Variants in CLPB observed in about 807,000 individuals in gnomAD.
The protein encoded by CLPB is mitochondrial disaggregase.
In CLPB, 40 loss-of-function variants were observed where a neutral mutation model predicts 78.4. That is an observed-to-expected ratio of 0.51 (90% CI 0.40 to 0.66). CLPB has a LOEUF of 0.66. Ranked by LOEUF, CLPB falls within the 30% of genes least tolerant of loss-of-function variation. The pLI, the probability that CLPB is intolerant of heterozygous loss-of-function variation, is 0.00. For missense variants in CLPB, 780 were observed against 886.9 expected (o/e 0.88, Z 1.53); for synonymous variants, 333 against 348.0 (o/e 0.96, Z 0.48).
chr11:72,413,367 G>A lies in CLPB; in HGVS notation c.456-10315C>T, dbSNP rs1157264348. On this transcript the variant is annotated intron_variant, in intron 2 of 15. Coordinates refer to ENST00000538039, the MANE Select transcript of CLPB (RefSeq NM_001258392.3). ...ATCCTGTTTACATTTTGTTTCATTT[G>A]CTTTTCTATTCCTTTTCTATTTTTT... 2.0e-5 allele frequency among the ~76,000 whole-genome samples: 3 copies of A among 151,018 alleles called. No homozygotes were observed. The East Asian group carries it at 5.8e-4, about 29-fold the overall frequency.
intron 3 of CLPB, among the ~76,000 whole-genome samples, chr11:72,400,223 G>A (rs1032581837): frequency 6.6e-6 from 1 of 150,658 alleles, no homozygotes; most frequent in South Asian, 2.1e-4. Context: ...AACAGTAGGG[G>A]CCAAAAAAAA....
intron 3 of CLPB, among the ~76,000 whole-genome samples, chr11:72,387,238 T>G (rs1855105743): frequency 6.6e-6 from 1 of 152,120 alleles, no homozygotes; most frequent in South Asian, 2.1e-4. Context: ...AACTAATAAT[T>G]GTAGAAGGAA....
intron 3 of CLPB, among the ~76,000 whole-genome samples, chr11:72,385,110 T>G (rs1339857183): frequency 6.6e-6 from 1 of 152,246 alleles, no homozygotes; most frequent in Non-Finnish European, 1.5e-5. Flanking sequence ...CTCAAGCACA[T>G]GGGAACATTA....
At chr11:72,386,316 C>A (rs1033116127) in intron 3 of CLPB, among the ~76,000 whole-genome samples, 2 of 152,152 alleles carry the variant, frequency 1.3e-5, no homozygotes, top group African/African-American at 4.8e-5. Flanking sequence ...GCCCATCTTT[C>A]TCTTAGGGTG....
intron 3 of CLPB, among the ~76,000 whole-genome samples, chr11:72,398,520 G>A (rs1174750165): frequency 3.3e-5 from 5 of 151,656 alleles, no homozygotes; most frequent in South Asian, 2.1e-4. Context: ...GCCTTCCACC[G>A]TCTGTCCGTG....
chr11:72,428,310 C>G lies in CLPB; in HGVS notation c.455+2002G>C, dbSNP rs182451196. On this transcript the variant is annotated intron_variant, in intron 2 of 15. Transcript: ENST00000538039. ...CAGCCTTTTCCCAATGCAGTCCATCCTTCACTCCTCTGCAAGTCAGCCTTA... is the reference window on the plus strand; with the variant it reads ...CAGCCTTTTCCCAATGCAGTCCATCGTTCACTCCTCTGCAAGTCAGCCTTA... Among the ~76,000 whole-genome samples, 54 of 152,262 alleles carry G rather than the reference C, an allele frequency of 3.5e-4. No homozygotes were observed. In the East Asian group the frequency reaches 9.8e-3, roughly 28 times the overall value.
intron 7 of CLPB, among the ~76,000 whole-genome samples, chr11:72,316,807 T>G (rs758905782): frequency 6.6e-6 from 1 of 152,152 alleles, no homozygotes; most frequent in Non-Finnish European, 1.5e-5. Context: ...GCGGACCAGA[T>G]GACGGTCAGA....
At chr11:72,358,852 C>T in intron 5 of CLPB, 28 bp downstream of exon 5, 1 of 1,289,584 alleles carries the variant, frequency 7.8e-7, no homozygotes, top group Non-Finnish European at 1.0e-6. Flanking sequence ...CTTCCCCCAC[C>T]CCACCCCTCC....
chr11:72,290,985 C>T lies in CLPB; in HGVS notation c.*2382G>A, dbSNP rs1949444534. The T allele has an allele frequency of 6.6e-6, 1 of 151,906 alleles. No homozygotes were observed. The highest frequency in any genetic ancestry group is 1.5e-5 in the Non-Finnish European group (1 of 67,988). The allele number at this position is 151,906 out of a possible 1,614,324, so 9.4% of individuals were successfully genotyped here. A position where few individuals can be genotyped will look rare whatever the true frequency, so the allele number is the denominator to read the frequency against. ...ACCAAAACAAAAAGTTACCACCACC[C>T]TCCGCTAGGAGGCACTAAGAATAGC... On this transcript the variant is annotated 3_prime_UTR_variant, in exon 16 of 16. Coordinates refer to ENST00000538039, the MANE Select transcript of CLPB (RefSeq NM_001258392.3).
chr11:72,290,534 G>C lies in CLPB; in HGVS notation c.*2833C>G, dbSNP rs896293024. 2 of 152,116 alleles carry C rather than the reference G, an allele frequency of 1.3e-5. No homozygotes were observed. Among genetic ancestry groups the C allele is most frequent in the Non-Finnish European group, 2.9e-5 (2 of 68,024 alleles). 9.4% of individuals were successfully genotyped at this position (152,116 alleles called of 1,614,324 possible). A position where few individuals can be genotyped will look rare whatever the true frequency, so the allele number is the denominator to read the frequency against. Reference sequence around the variant, plus strand: ...TGAAAATCAGTAGGCAAAATTTTAAGAATAAGACATTCACATAGCTTCAAA... The same window carrying C: ...TGAAAATCAGTAGGCAAAATTTTAACAATAAGACATTCACATAGCTTCAAA... On this transcript the variant is annotated 3_prime_UTR_variant, in exon 16 of 16. Transcript: ENST00000538039.
rs1382609161 is a variant in CLPB at position 72,315,468 on chromosome 11, A to G, written c.988+1638T>C. On this transcript the variant is annotated intron_variant, in intron 7 of 15. Coordinates refer to ENST00000538039, the MANE Select transcript of CLPB (RefSeq NM_001258392.3). The stretch of plus-strand genomic sequence containing the variant: ...GTCCTGGTTTGGCTCCAGTGGCCCT[A>G]GACCAGAGAGGCCATGGGGGCCTGA... Among the ~76,000 whole-genome samples, 6 of 152,338 alleles carry G rather than the reference A, an allele frequency of 3.9e-5. No individual in the cohort carries two copies. In the East Asian group the frequency reaches 9.6e-4, roughly 24 times the overall value.
rs147763259 is a variant in CLPB, at chr11:72,369,607, A to G, written c.647-10599T>C. ...GCCTCTCCTCTGCCTTTTCTTCAAG[A>G]TGTTAAAAACTCGCAATAAAAAACA... On this transcript the variant is annotated intron_variant, in intron 4 of 15. Coordinates refer to ENST00000538039, the MANE Select transcript of CLPB (RefSeq NM_001258392.3). Among the ~76,000 whole-genome samples, 33 of 152,312 alleles carry G rather than the reference A, an allele frequency of 2.2e-4. No homozygotes were observed. In the East Asian group the frequency reaches 5.6e-3, roughly 26 times the overall value.
rs1450603396 is a variant in CLPB at position 72,334,665 on chromosome 11, G to A, written c.776-4861C>T. ...CCGTGCCCTGGCCTGACCTCCCCTT[G>A]CCTCCCACCCAGGGCCCCTTCGGGC... On this transcript the variant is annotated intron_variant, in intron 5 of 15. Transcript: ENST00000538039. 2.0e-5 allele frequency among the ~76,000 whole-genome samples: 3 copies of A among 152,216 alleles called. No homozygotes were observed. In the East Asian group the frequency reaches 5.8e-4, roughly 29 times the overall value.
rs539466471 is a variant in CLPB at position 72,388,343 on chromosome 11, C to T, written c.543-7959G>A. ...TCGGCTCACTGCCAGCTCCGCCTCC[C>T]GGGTTCACACCATTCTCCTGCCTCA... is the stretch of plus-strand genomic sequence containing the variant. On this transcript the variant is annotated intron_variant, in intron 3 of 15. Coordinates refer to ENST00000538039, the MANE Select transcript of CLPB (RefSeq NM_001258392.3). Among the ~76,000 whole-genome samples, 13 of 151,818 alleles carry T rather than the reference C, an allele frequency of 8.6e-5. No individual in the cohort carries two copies. The East Asian group carries it at 2.3e-3, about 27-fold the overall frequency.
chr11:72,408,269 C>CT (rs1156623055), intron 2 of CLPB: 1 of 1,064,970 alleles, frequency 9.4e-7, no homozygotes, highest in African/African-American at 1.6e-5. Flanking sequence ...GATTCTAGCT[C>CT]TGTCACTTAC....
chr11:72,390,257 G>A (rs996499130), intron 3 of CLPB, among the ~76,000 whole-genome samples: 6 of 151,732 alleles, frequency 4.0e-5, no homozygotes, highest in Non-Finnish European at 5.9e-5. Context: ...GGCCAACATG[G>A]TAAAACCCCA....
intron 6 of CLPB, among the ~76,000 whole-genome samples, chr11:72,319,824 A>G (rs1317367884): frequency 1.3e-5 from 2 of 151,768 alleles, no homozygotes; most frequent in Non-Finnish European, 2.9e-5. Flanking sequence ...GATAAATGTG[A>G]CTCCTCTTCT....
chr11:72,352,952 C>T (rs1013367192), intron 5 of CLPB: 8 of 152,206 alleles, frequency 5.3e-5, no homozygotes, highest in African/African-American at 1.9e-4. Flanking sequence ...GATCCTTCAC[C>T]CAGTGCTCAT....
chr11:72,293,896 C>T (rs746043778), intron 15 of CLPB, 126 bp downstream of exon 15: 14 of 827,984 alleles, frequency 1.7e-5, no homozygotes, highest in Non-Finnish European at 2.7e-5. Context: ...AATGGGCATC[C>T]ACTCTGGGTG....
Sources: allele counts gnomAD v4.1 joint callset (sites outside exome capture counted in the v4.1 genomes callset), GRCh38; gene constraint gnomAD v4.1.1; transcripts MANE v1.5; gene names NCBI Gene and HGNC (gene_info 2026-07-23, HGNC 2026-07-21).